CACNA2D2: variants seen among roughly 807,000 people sequenced by gnomAD.
CACNA2D2 encodes voltage-dependent calcium channel subunit alpha-2/delta-2.
A neutral mutation model predicts 166.4 loss-of-function variants in CACNA2D2; 48 were observed. The ratio of observed to expected loss-of-function variants is 0.29; its 90% CI spans 0.23 to 0.37. The LOEUF is 0.37. Ranked by LOEUF, CACNA2D2 falls within the 10% of genes least tolerant of loss-of-function variation. The pLI, the probability that CACNA2D2 is intolerant of heterozygous loss-of-function variation, is 1.00. For synonymous variants in CACNA2D2, 561 were observed against 573.7 expected (o/e 0.98, Z 0.32); for missense variants, 1,122 against 1,433.0 (o/e 0.78, Z 3.50).
rs1259402386 is a variant in CACNA2D2, at chr3:50,365,680, A to G, written c.2924T>C (p.Phe975Ser). 3 of 1,587,944 alleles carry G rather than the reference A, an allele frequency of 1.9e-6. No individual in the cohort carries two copies. The highest frequency in any genetic ancestry group is 8.6e-7 in the Non-Finnish European group (1 of 1,167,536). Reference sequence around the variant, plus strand: ...GATGAGGCCGTAGAGAAGCTGCTGGAACAGGGACCTGCAGCGCACGGGGAG... The same window carrying G: ...GATGAGGCCGTAGAGAAGCTGCTGGGACAGGGACCTGCAGCGCACGGGGAG... ...WWTSAAAWSLFQQLLYGLIYH... is the reference protein window; with the variant it reads ...WWTSAAAWSLSQQLLYGLIYH... Residue 975 changes from phenylalanine (F) to serine (S), a missense_variant, in exon 34 of 38, where the codon TTC becomes TCC. This residue lies in a region of CACNA2D2 where 282 missense variants were observed against 266.2 expected (regional missense o/e 1.06). Transcript: ENST00000424201. The surrounding 1 kb of genome is among the most constrained non-coding windows in gnomAD (Gnocchi z 4.5).
At chr3:50,462,013 T>C (rs2107013207) in intron 2 of CACNA2D2, among the ~76,000 whole-genome samples, 1 of 152,228 alleles carries the variant, frequency 6.6e-6, no homozygotes, top group Middle Eastern at 3.4e-3. Context: ...GAAGCCCAGG[T>C]GTATGAGAGC....
chr3:50,456,327 G>A (rs1046919511), intron 2 of CACNA2D2, among the ~76,000 whole-genome samples: 4 of 152,302 alleles, frequency 2.6e-5, no homozygotes, highest in Middle Eastern at 3.4e-3. Context: ...TGGTAGAGTG[G>A]GGGAGGGGAG....
At chr3:50,384,090 G>A (rs1559896171) in intron 6 of CACNA2D2, 106 bp downstream of exon 6, 3 of 1,385,078 alleles carry the variant, frequency 2.2e-6, no homozygotes, top group South Asian at 1.3e-5. Flanking sequence ...GAGGCTGGAG[G>A]TAGATGGCAC....
intron 2 of CACNA2D2, among the ~76,000 whole-genome samples, chr3:50,470,468 T>C (rs768247687): frequency 1.3e-5 from 2 of 152,056 alleles, no homozygotes; most frequent in Non-Finnish European, 2.9e-5. Context: ...TGGAAGGATA[T>C]GGGCGACCTA....
intron 3 of CACNA2D2, among the ~76,000 whole-genome samples, chr3:50,410,318 T>A (rs1294475267): frequency 6.6e-6 from 1 of 152,230 alleles, no homozygotes. Context: ...AGTTCTGTTG[T>A]GAGCCATCCT....
chr3:50,459,320 C>G (rs918433258), intron 2 of CACNA2D2, among the ~76,000 whole-genome samples: 2 of 152,158 alleles, frequency 1.3e-5, no homozygotes, highest in African/African-American at 4.8e-5. Flanking sequence ...CCCCCTCACT[C>G]AGTCACAAGG....
At chr3:50,410,480 T>G (rs1254425469) in intron 3 of CACNA2D2, among the ~76,000 whole-genome samples, 35 of 141,356 alleles carry the variant, frequency 2.5e-4, no homozygotes, top group African/African-American at 3.9e-4. Flanking sequence ...CTCCCTGGGA[T>G]GGGGGGGGGG....
chr3:50,487,241 C>A (rs1698326957), intron 1 of CACNA2D2, among the ~76,000 whole-genome samples: 1 of 152,216 alleles, frequency 6.6e-6, no homozygotes, highest in East Asian at 1.9e-4. Context: ...TAAGAGCCGC[C>A]CCTCGTATAC....
At chr3:50,429,649 A>G (rs1341404980) in intron 3 of CACNA2D2, among the ~76,000 whole-genome samples, 1 of 149,390 alleles carries the variant, frequency 6.7e-6, no homozygotes, top group Non-Finnish European at 1.5e-5. Flanking sequence ...AGGCACCTGT[A>G]GTCCCAGCTA....
intron 2 of CACNA2D2, among the ~76,000 whole-genome samples, chr3:50,443,747 G>A (rs1025858773): frequency 2.6e-5 from 4 of 152,162 alleles, no homozygotes; most frequent in Non-Finnish European, 5.9e-5. Context: ...CTTCACCCTC[G>A]TGCCCCCATC....
chr3:50,420,232 G>C (rs1219084108), intron 3 of CACNA2D2, among the ~76,000 whole-genome samples: 3 of 152,258 alleles, frequency 2.0e-5, no homozygotes, highest in Non-Finnish European at 2.9e-5. Context: ...GGGGAGAGCA[G>C]AAAAGTAGGC....
chr3:50,484,711 T>C (rs1329394806), intron 1 of CACNA2D2, among the ~76,000 whole-genome samples: 1 of 152,238 alleles, frequency 6.6e-6, no homozygotes, highest in Non-Finnish European at 1.5e-5. Flanking sequence ...GGTGATTCTT[T>C]TGGCTAGTAT....
intron 2 of CACNA2D2, among the ~76,000 whole-genome samples, chr3:50,456,560 G>A (rs1377511228): frequency 2.6e-5 from 4 of 152,136 alleles, no homozygotes; most frequent in Admixed American, 6.5e-5. Context: ...GAGATTGGCC[G>A]AGGCAGTCAG....
chr3:50,481,826 T>A (rs1157412671), intron 1 of CACNA2D2, among the ~76,000 whole-genome samples: 3 of 151,988 alleles, frequency 2.0e-5, no homozygotes, highest in Non-Finnish European at 4.4e-5. Flanking sequence ...TGAAACCCTG[T>A]CTCTACAAAA....
intron 2 of CACNA2D2, among the ~76,000 whole-genome samples, chr3:50,453,499 C>T (rs1709201726): frequency 6.6e-6 from 1 of 152,240 alleles, no homozygotes; most frequent in Non-Finnish European, 1.5e-5. Flanking sequence ...GGCCCCCAGC[C>T]CTGTCCTTCA....
In CACNA2D2 at chr3:50,503,314, G is replaced by A. The variant is rs1575799029; in HGVS notation, c.110C>T (p.Thr37Met). ...PHPGPGTRRP[T>M]SGPPRPLWLL... The stretch of plus-strand genomic sequence containing the variant: ...CCACAGCGGGCGCGGGGGCCCGGAC[G>A]TCGGGCGCCGGGTGCCGGGGCCAGG... Residue 37 changes from threonine to methionine, a missense_variant, in exon 1 of 38, where the codon ACG (threonine) becomes ATG (methionine). Coordinates refer to ENST00000424201, the MANE Select transcript of CACNA2D2 (RefSeq NM_006030.4). The A allele has an allele frequency of 2.7e-6, 2 of 731,926 alleles. No homozygotes were observed. Among genetic ancestry groups the A allele is most frequent in the Non-Finnish European group, 3.7e-6 (2 of 547,626 alleles). 45.3% of individuals were successfully genotyped at this position (731,926 alleles called of 1,614,324 possible).
rs775251767 is a variant in CACNA2D2 at position 50,394,199 on chromosome 3, C to T, written c.406-31G>A. 6.2e-6 allele frequency: 10 copies of T among 1,602,674 alleles called. No homozygotes were observed. In the African/African-American group the frequency reaches 9.4e-5, roughly 15 times the overall value. ...GGACAGAGCACAGGGAGGTCAGAAG[C>T]GGAGGAAGGCAGCCTGCCCTATGCC... On this transcript the variant is annotated intron_variant, in intron 3 of 37. Coordinates refer to ENST00000424201, the MANE Select transcript of CACNA2D2 (RefSeq NM_006030.4).
In CACNA2D2 at chr3:50,437,972, C is replaced by CT. The variant is rs1316647603; in HGVS notation, c.289-3544dup. ...CCGGCACAGCCCCACCTCTGCTGGA[C>CT]TAAGGAGCACGACGGGGCCCAGCTG... On this transcript the variant is annotated intron_variant, in intron 2 of 37. Transcript: ENST00000424201. Among the ~76,000 whole-genome samples, 4 of 152,344 alleles carry CT rather than the reference C, an allele frequency of 2.6e-5. No homozygotes were observed. The East Asian group carries it at 7.7e-4, about 29-fold the overall frequency.
intron 1 of CACNA2D2, among the ~76,000 whole-genome samples, chr3:50,487,872 G>A (rs1698357008): frequency 1.3e-5 from 2 of 152,070 alleles, no homozygotes; most frequent in Admixed American, 6.5e-5. Context: ...CATTCATTCC[G>A]ATAGTAACCA....
Sources: gnomAD v4.1 joint callset for allele counts (sites outside exome capture counted in the v4.1 genomes callset) on GRCh38, gnomAD v4.1.1 for gene constraint, gnomAD v4.1.1 regional missense constraint, Gnocchi (gnomAD v3.1) non-coding constraint, MANE v1.5 for transcripts, NCBI Gene and HGNC (gene_info 2026-07-23, HGNC 2026-07-21) for gene names.